The following FNTA variants were observed in gnomAD, a reference collection of about 807,000 sequenced individuals.
FNTA encodes the protein protein farnesyltransferase/geranylgeranyltransferase type-1 subunit alpha.
A neutral mutation model predicts 55.2 loss-of-function variants in FNTA; 27 were observed. The observed-to-expected ratio is 0.49, with a 90% CI of 0.36 to 0.67. The LOEUF is 0.67. Ranked by LOEUF, FNTA falls within the 30% of genes least tolerant of loss-of-function variation. FNTA has a pLI of 0.00. For missense variants in FNTA, 422 were observed against 464.7 expected (o/e 0.91, Z 0.85); for synonymous variants, 176 against 170.7 (o/e 1.03, Z -0.24).
rs1430314047 is a variant in FNTA at position 43,061,537 on chromosome 8, A to T, written c.286+2360A>T. ...GCAGCATTTTTTGAAAAAGCAAGAT[A>T]TTGGAAGCTATATGTCTATCTTTTG... On this transcript the variant is annotated intron_variant, in intron 2 of 8. Coordinates refer to ENST00000302279, the MANE Select transcript of FNTA (RefSeq NM_002027.3). Among the ~76,000 whole-genome samples the T allele has an allele frequency of 2.8e-4, 43 of 152,214 alleles. 1 individual carries two copies. Among genetic ancestry groups the T allele is most frequent in the Admixed American group, 2.8e-3 (43 of 15,284 alleles).
At chr8:43,081,547 A>G (rs768452614) in intron 6 of FNTA, 1 of 152,164 alleles carries the variant, frequency 6.6e-6, no homozygotes, top group Non-Finnish European at 1.5e-5. Context: ...CCTGACCTCA[A>G]AGTTCATCGG....
chr8:43,060,987 AAAATAGG>A (rs1810518085), intron 2 of FNTA, among the ~76,000 whole-genome samples: 1 of 152,234 alleles, frequency 6.6e-6, no homozygotes, highest in African/African-American at 2.4e-5. Context: ...ATTGGCCAAT[AAAATAGG>A]AAGAATCCTT....
intron 5 of FNTA, among the ~76,000 whole-genome samples, chr8:43,073,213 A>G (rs750307669): frequency 6.6e-6 from 1 of 152,224 alleles, no homozygotes; most frequent in Non-Finnish European, 1.5e-5. Flanking sequence ...ACATATTCTA[A>G]AGGTATTCAA....
chr8:43,084,591 C>A, intron 7 of FNTA, 119 bp from the exon 8 acceptor site: 1 of 704,502 alleles, frequency 1.4e-6, no homozygotes, highest in Non-Finnish European at 2.3e-6. Flanking sequence ...CAGCGTCATT[C>A]ATTCAAAATA....
intron 2 of FNTA, among the ~76,000 whole-genome samples, chr8:43,062,173 A>ATGTGTGTGTGTGTGTG (rs35607201): frequency 1.3e-5 from 2 of 148,904 alleles, no homozygotes; most frequent in Non-Finnish European, 3.0e-5. Flanking sequence ...TGTATGTTTT[A>ATGTGTGTGTGTGTGTG]TGTGTGTGTG....
At chr8:43,075,007 G>T (rs1413986677) in intron 5 of FNTA, among the ~76,000 whole-genome samples, 1 of 152,184 alleles carries the variant, frequency 6.6e-6, no homozygotes, top group Admixed American at 6.5e-5. Flanking sequence ...ACTTTAGTAA[G>T]ATGTTTACCA....
At chr8:43,068,474 A>G (rs1434421210) in intron 3 of FNTA, among the ~76,000 whole-genome samples, 2 of 152,232 alleles carry the variant, frequency 1.3e-5, no homozygotes, top group African/African-American at 4.8e-5. Flanking sequence ...ATTTACAAGT[A>G]GCATTTTTGT....
intron 1 of FNTA, 125 bp downstream of exon 1, chr8:43,056,671 G>T: frequency 1.8e-6 from 1 of 541,576 alleles, no homozygotes; most frequent in Non-Finnish European, 2.7e-6. Flanking sequence ...GCGTGGGCCG[G>T]TGCATGGCGC....
chr8:43,078,389 CTTGAG>C lies in FNTA; in HGVS notation c.782+1031_782+1035del, dbSNP rs572350325. On this transcript the variant is annotated intron_variant, in intron 6 of 8. Transcript: ENST00000302279. The stretch of plus-strand genomic sequence containing the variant: ...AACAAGTTGAAGCATCTTGAGCAAT[CTTGAG>C]TTGAGCATGTCTTCATTGCCATTCT... 226 of 151,808 alleles carry C rather than the reference CTTGAG, an allele frequency of 1.5e-3. 1 individual carries two copies. Among genetic ancestry groups the C allele is most frequent in the African/African-American group, 5.2e-3 (216 of 41,298 alleles). 9.4% of individuals were successfully genotyped at this position (151,808 alleles called of 1,614,324 possible). A position where few individuals can be genotyped will look rare whatever the true frequency, so the allele number is the denominator to read the frequency against.
intron 2 of FNTA, among the ~76,000 whole-genome samples, chr8:43,062,236 A>G (rs1260913453): frequency 6.6e-6 from 1 of 151,306 alleles, no homozygotes; most frequent in Non-Finnish European, 1.5e-5. Context: ...ATTTGTATAC[A>G]TATTTAATAT....
chr8:43,080,761 A>C (rs536521694), intron 6 of FNTA: 1 of 152,270 alleles, frequency 6.6e-6, no homozygotes, highest in African/African-American at 2.4e-5. Context: ...CAGCACATAC[A>C]AAACATTTGC....
intron 7 of FNTA, 149 bp downstream of exon 7, chr8:43,083,329 G>T (rs1811061712): frequency 1.9e-6 from 1 of 531,372 alleles, no homozygotes; most frequent in Non-Finnish European, 3.4e-6. Flanking sequence ...CAGCATTATG[G>T]AAACTCTCTG....
intron 4 of FNTA, among the ~76,000 whole-genome samples, chr8:43,071,704 A>C (rs908748489): frequency 1.0e-3 from 158 of 152,012 alleles, no homozygotes; most frequent in African/African-American, 3.3e-3. Context: ...CAAAAAAAAA[A>C]AAAAAAACAA....
chr8:43,071,961 G>C lies in FNTA; in HGVS notation c.507-220G>C, dbSNP rs182163032. On this transcript the variant is annotated intron_variant, in intron 4 of 8. Coordinates refer to ENST00000302279, the MANE Select transcript of FNTA (RefSeq NM_002027.3). Reference sequence around the variant, plus strand: ...TCTTAATTTTTTGACACAATTTCATGGTTGTTGAAAGATACTACCAGATGT... The same window carrying C: ...TCTTAATTTTTTGACACAATTTCATCGTTGTTGAAAGATACTACCAGATGT... Among the ~76,000 whole-genome samples, 6 of 152,198 alleles carry C rather than the reference G, an allele frequency of 3.9e-5. No homozygotes were observed. In the East Asian group the frequency reaches 1.2e-3, roughly 29 times the overall value.
chr8:43,076,475 C>T (rs1810914771), intron 5 of FNTA, among the ~76,000 whole-genome samples: 1 of 152,196 alleles, frequency 6.6e-6, no homozygotes, highest in South Asian at 2.1e-4. Context: ...CCACTATTGA[C>T]CATGTATGCT....
chr8:43,075,581 C>T lies in FNTA; in HGVS notation c.634-1635C>T, dbSNP rs144053187. Among the ~76,000 whole-genome samples the T allele has an allele frequency of 2.6e-3, 395 of 151,886 alleles. 2 individuals are homozygous for T. Among genetic ancestry groups the T allele is most frequent in the South Asian group, 0.011 (53 of 4,800 alleles). ...CTGTAATCCCAGCACTTTGGGAGGC[C>T]GAGGTGGGCAGATTACTTGAGTTCA... is the stretch of plus-strand genomic sequence containing the variant. On this transcript the variant is annotated intron_variant, in intron 5 of 8. Transcript: ENST00000302279.
intron 2 of FNTA, among the ~76,000 whole-genome samples, chr8:43,060,796 T>TA (rs1208891528): frequency 1.3e-5 from 2 of 152,094 alleles, no homozygotes; most frequent in Non-Finnish European, 2.9e-5. Flanking sequence ...ATTTAAAACT[T>TA]ACACAGCAGA....
At position 43,062,791 on chromosome 8, in the gene FNTA, A is replaced by T. The variant is rs550778672; in HGVS notation, c.287-1310A>T. ...TCTGTAGACACCAACTAGTTGCCCT[A>T]CAATTTAATTCAGTTCTGACATTAC... is the stretch of plus-strand genomic sequence containing the variant. On this transcript the variant is annotated intron_variant, in intron 2 of 8. Transcript: ENST00000302279. Among the ~76,000 whole-genome samples the T allele has an allele frequency of 3.3e-5, 5 of 152,354 alleles. No individual in the cohort carries two copies. In the East Asian group the frequency reaches 9.6e-4, roughly 29 times the overall value.
At chr8:43,083,047 G>GAA (rs200228166) in intron 6 of FNTA, 71 bp from the exon 7 acceptor site, 11,964 of 781,400 alleles carry the variant, frequency 0.015, no homozygotes, top group Non-Finnish European at 0.017. Flanking sequence ...CTCCGTTTCA[G>GAA]AAAAAAAAAA....
Sources: gnomAD v4.1 joint callset for allele counts (sites outside exome capture counted in the v4.1 genomes callset) on GRCh38, gnomAD v4.1.1 for gene constraint, MANE v1.5 for transcripts, NCBI Gene and HGNC (gene_info 2026-07-23, HGNC 2026-07-21) for gene names.